The following GPI variants were observed in gnomAD, a reference collection of about 807,000 sequenced individuals.
GPI encodes the protein glucose-6-phosphate isomerase.
Under a neutral mutation model 75.8 loss-of-function variants are expected in GPI, and 56 were observed. That is an observed-to-expected ratio of 0.74 (90% CI 0.60 to 0.92). The LOEUF is 0.92. Ranked by LOEUF, GPI falls within the 40% of genes least tolerant of loss-of-function variation. The pLI, the probability that GPI is intolerant of heterozygous loss-of-function variation, is 0.00. For synonymous variants in GPI, 288 were observed against 285.4 expected, an observed-to-expected ratio of 1.01 and a Z score of -0.09; for missense variants, 638 against 741.0, an observed-to-expected ratio of 0.86 and a Z score of 1.61.
At chr19:34,373,107 C>G (rs2074480418) in intron 4 of GPI, among the ~76,000 whole-genome samples, 1 of 150,672 alleles carries the variant, frequency 6.6e-6, no homozygotes, top group Admixed American at 6.6e-5. Context: ...AATTTATAGT[C>G]TGGGTGCTGT....
intron 7 of GPI, among the ~76,000 whole-genome samples, 180 bp from the exon 8 acceptor site, chr19:34,379,338 G>T (rs536564205): frequency 6.6e-6 from 1 of 152,308 alleles, no homozygotes; most frequent in East Asian, 1.9e-4. Flanking sequence ...GGATGAGCAG[G>T]CGGCCTGTGA....
In GPI at chr19:34,393,761, C is replaced by T; in HGVS notation, c.899C>T (p.Ala300Val). ...AACTTCGAGCAGCTGCTCTCGGGGG[C>T]TCACTGGATGGTGAGTGCTGAGGCT... ...FDNFEQLLSGAHWMDQHFRTT... is the reference protein window; with the variant it reads ...FDNFEQLLSGVHWMDQHFRTT... The change falls in exon 11 of 18, where the codon GCT (alanine) becomes GTT (valine). Residue 300 changes from alanine (A) to valine (V), a missense_variant. Transcript: ENST00000356487. The surrounding 1 kb of genome is among the most constrained non-coding windows in gnomAD (Gnocchi z 4.4). 6.2e-7 allele frequency: 1 copy of T among 1,613,236 alleles called. No homozygotes were observed. Among genetic ancestry groups the T allele is most frequent in the Non-Finnish European group, 8.5e-7 (1 of 1,179,982 alleles).
At chr19:34,384,309 T>A (rs2074699942) in intron 9 of GPI, among the ~76,000 whole-genome samples, 1 of 152,128 alleles carries the variant, frequency 6.6e-6, no homozygotes, top group Non-Finnish European at 1.5e-5. Flanking sequence ...TCGAGGTACG[T>A]AGAGCAGATC....
Position 34,400,187 on chromosome 19 carries a change from C to T in GPI, c.*151C>T. 1 of 791,088 alleles carries T rather than the reference C, an allele frequency of 1.3e-6. No homozygotes were observed. Among genetic ancestry groups the T allele is most frequent in the Non-Finnish European group, 2.2e-6 (1 of 459,936 alleles). The allele number at this position is 791,088 out of a possible 1,614,324, so 49.0% of individuals were successfully genotyped here. On this transcript the variant is annotated 3_prime_UTR_variant, in exon 18 of 18. Transcript: ENST00000356487. ...AGCCCTTAGCAGGGAAGGCTGGTCT[C>T]CCCCAGCCTAACCCCCAGCCCCTCC...
At chr19:34,388,580 T>G (rs1434129194) in intron 9 of GPI, among the ~76,000 whole-genome samples, 1 of 152,160 alleles carries the variant, frequency 6.6e-6, no homozygotes, top group Non-Finnish European at 1.5e-5. Flanking sequence ...TTGAACTGAC[T>G]GAGGAGCTGC....
At chr19:34,389,460 C>T (rs1367678293) in intron 9 of GPI, among the ~76,000 whole-genome samples, 1 of 152,180 alleles carries the variant, frequency 6.6e-6, no homozygotes, top group Non-Finnish European at 1.5e-5. Context: ...CTTCCCCCTG[C>T]CTCAGTGGGC....
At chr19:34,367,687 C>T (rs1281263236) in intron 3 of GPI, among the ~76,000 whole-genome samples, 2 of 152,188 alleles carry the variant, frequency 1.3e-5, no homozygotes, top group Non-Finnish European at 2.9e-5. Context: ...CAGGCCATTT[C>T]ACTCACGTGG....
At chr19:34,364,755 C>T (rs1369714321), upstream of GPI, 2 of 422,488 alleles carry the variant, frequency 4.7e-6, no homozygotes, top group Non-Finnish European at 4.2e-6. Context: ...CCCTTACCAC[C>T]AGCAGACACA....
At chr19:34,375,424 A>C (rs1050276595) in intron 4 of GPI, among the ~76,000 whole-genome samples, 1 of 152,144 alleles carries the variant, frequency 6.6e-6, no homozygotes, top group African/African-American at 2.4e-5. Flanking sequence ...CCAGGATTAC[A>C]GGTGTGAGCC....
intron 9 of GPI, among the ~76,000 whole-genome samples, chr19:34,383,383 C>G (rs997895452): frequency 6.6e-6 from 1 of 152,166 alleles, no homozygotes; most frequent in African/African-American, 2.4e-5. Context: ...TATGTATGTG[C>G]ATATGTCAGC....
intron 9 of GPI, among the ~76,000 whole-genome samples, chr19:34,382,608 A>G (rs1467322662): frequency 6.6e-6 from 1 of 152,128 alleles, no homozygotes; most frequent in African/African-American, 2.4e-5. Flanking sequence ...AATGGAGGGC[A>G]GGCACCTTCC....
intron 1 of GPI, 145 bp from the exon 2 acceptor site, chr19:34,366,200 G>T: frequency 1.4e-6 from 1 of 720,898 alleles, no homozygotes. Flanking sequence ...GCAGGTGACA[G>T]ACACCACCAC....
At chr19:34,374,130 C>CTTTTTTTTTTTTTTT (rs749828679) in intron 4 of GPI, among the ~76,000 whole-genome samples, 1 of 114,132 alleles carries the variant, frequency 8.8e-6, no homozygotes, top group Non-Finnish European at 1.7e-5. Context: ...CCATGCCCGC[C>CTTTTTTTTTTTTTTT]TTTTTTTTTT....
intron 4 of GPI, 117 bp downstream of exon 4, chr19:34,368,819 G>T (rs2074406953): frequency 2.6e-6 from 3 of 1,169,602 alleles, no homozygotes; most frequent in Non-Finnish European, 3.8e-6. Flanking sequence ...GGTTCTCACT[G>T]CAGCTTAAGG....
In GPI at chr19:34,377,509, C is replaced by T. The variant is rs754398233; in HGVS notation, c.409C>T (p.Arg137Trp). 1.1e-5 allele frequency: 18 copies of T among 1,611,412 alleles called. No homozygotes were observed. The highest frequency in any genetic ancestry group is 1.6e-4 in the Middle Eastern group (1 of 6,076). ...ATCTTCGCCCCTGTGCCAGCGTGTCCGGAGCGGTGACTGGAAGGGGTACAC... is the reference window on the plus strand; with the variant it reads ...ATCTTCGCCCCTGTGCCAGCGTGTCTGGAGCGGTGACTGGAAGGGGTACAC... ...DKMKSFCQRV[R>W]SGDWKGYTGK... is the part of the protein sequence containing the mutation. The change falls in exon 5 of 18, where the codon CGG becomes TGG. Residue 137 changes from arginine (R) to tryptophan (W), a missense_variant. Arg to Trp is a moderately radical substitution (Grantham distance 101, BLOSUM62 -3). Coordinates refer to ENST00000356487, the MANE Select transcript of GPI (RefSeq NM_000175.5).
chr19:34,366,885 T>A, intron 3 of GPI, 34 bp downstream of exon 3: 1 of 1,441,052 alleles, frequency 6.9e-7, no homozygotes, highest in Non-Finnish European at 9.8e-7. Flanking sequence ...TGGGGCCTCC[T>A]TCCTTCCCTT....
At position 34,366,849 on chromosome 19, in the gene GPI, G is replaced by A; in HGVS notation, c.280G>A (p.Glu94Lys). 15 of 1,610,384 alleles carry A rather than the reference G, an allele frequency of 9.3e-6. No homozygotes were observed. Among genetic ancestry groups the A allele is most frequent in the Middle Eastern group, 1.7e-4 (1 of 6,034 alleles). ...MFNGEKINYT[E>K]GRAVLHVALR... The stretch of plus-strand genomic sequence containing the variant: ...CAATGGTGAGAAGATCAACTACACC[G>A]AGGTGAGCAGGCCCCACATACCCTC... The change falls in exon 3 of 18, where the codon GAG (glutamate) becomes AAG (lysine). Residue 94 changes from glutamate to lysine, a missense_variant and splice_region_variant. Coordinates refer to ENST00000356487, the MANE Select transcript of GPI (RefSeq NM_000175.5).
intron 9 of GPI, among the ~76,000 whole-genome samples, chr19:34,384,595 G>T (rs2074704476): frequency 6.6e-6 from 1 of 152,218 alleles, no homozygotes; most frequent in African/African-American, 2.4e-5. Context: ...GGCCCAAGGA[G>T]TCCGGATTAG....
At chr19:34,386,566 G>C in intron 9 of GPI, among the ~76,000 whole-genome samples, 1 of 152,182 alleles carries the variant, frequency 6.6e-6, no homozygotes, top group Non-Finnish European at 1.5e-5. Flanking sequence ...GTGCCCCTGG[G>C]TGTTTGAGGT....
Sources: allele counts gnomAD v4.1 joint callset (sites outside exome capture counted in the v4.1 genomes callset), GRCh38; gene constraint gnomAD v4.1.1; non-coding constraint Gnocchi (gnomAD v3.1); transcripts MANE v1.5; gene names NCBI Gene and HGNC (gene_info 2026-07-23, HGNC 2026-07-21).